ZNF334: variants seen among roughly 807,000 people sequenced by gnomAD.
The protein encoded by ZNF334 is zinc finger protein 334.
ZNF334 carries 14 observed loss-of-function variants against 12.4 expected under a neutral mutation model. The ratio of observed to expected loss-of-function variants is 1.13; its 90% CI spans 0.74 to 1.76. The LOEUF (loss-of-function observed/expected upper bound fraction) is 1.76, where lower values mean the gene tolerates loss of function less well. Ranked by LOEUF, ZNF334 falls within the 40% of genes most tolerant of loss-of-function variation. The probability of loss-of-function intolerance (pLI) is 0.00; values close to 1 mark genes in which losing one functional copy is unlikely to be tolerated. For missense variants in ZNF334, 797 were observed against 804.5 expected (o/e 0.99, Z 0.11); for synonymous variants, 273 against 269.6 (o/e 1.01, Z -0.12).
chr20:46,510,626 T>C (rs1383222437), intron 2 of ZNF334, among the ~76,000 whole-genome samples: 1 of 151,460 alleles, frequency 6.6e-6, no homozygotes, highest in Non-Finnish European at 1.5e-5. Flanking sequence ...CTCGGGAGGC[T>C]GAGGCAGGAG....
At chr20:46,464,045 A>G in the ZNF334 span, 1 of 634,660 alleles carries the variant, frequency 1.6e-6, no homozygotes, top group East Asian at 3.8e-5. Flanking sequence ...TTGTTGTCAA[A>G]GGGGTCATTG....
At chr20:46,471,905 G>C in the ZNF334 span, among the ~76,000 whole-genome samples, 1 of 152,188 alleles carries the variant, frequency 6.6e-6, no homozygotes, top group East Asian at 1.9e-4. Context: ...GCTATTCTTG[G>C]CCATTTGCAT....
chr20:46,479,102 T>C, the ZNF334 span, among the ~76,000 whole-genome samples: 2 of 152,230 alleles, frequency 1.3e-5, no homozygotes, highest in South Asian at 2.1e-4. Flanking sequence ...GTCTGGAGGT[T>C]AGAAGTCCAA....
intron 2 of ZNF334, chr20:46,505,731 C>G (rs902568599): frequency 9.8e-5 from 15 of 153,754 alleles, no homozygotes; most frequent in African/African-American, 3.4e-4. Context: ...CATGTCACAA[C>G]AGCTGTGCCA....
At position 46,503,005 on chromosome 20, in the gene ZNF334, T is replaced by C. The variant is rs2061301987; in HGVS notation, c.334A>G (p.Arg112Gly). The change falls in exon 5 of 5, where the codon AGA becomes GGA. Residue 112 changes from arginine to glycine, a missense_variant. Coordinates refer to ENST00000692313, the MANE Select transcript of ZNF334 (RefSeq NM_001353824.2). ...AGTGTTTTCCCAAATACATTCTCTCTTTCTGTAATCAGTGTTTTGTTGCTG... is the reference window on the plus strand; with the variant it reads ...AGTGTTTTCCCAAATACATTCTCTCCTTCTGTAATCAGTGTTTTGTTGCTG... ...FFSNKTLITE[R>G]ENVFGKTLNL... The C allele has an allele frequency of 6.2e-7, 1 of 1,613,994 alleles. No homozygotes were observed. Among genetic ancestry groups the C allele is most frequent in the Middle Eastern group, 1.7e-4 (1 of 6,058 alleles).
At chr20:46,466,122 T>C in the ZNF334 span, among the ~76,000 whole-genome samples, 4 of 152,002 alleles carry the variant, frequency 2.6e-5, no homozygotes, top group Non-Finnish European at 5.9e-5. Context: ...AGTAAACCAA[T>C]AGGAATATAG....
At chr20:46,506,060 A>G (rs2061418809) in intron 2 of ZNF334, 1 of 306,848 alleles carries the variant, frequency 3.3e-6, no homozygotes, top group Non-Finnish European at 5.9e-6. Context: ...TAGGAAAACA[A>G]AACAAAAAAG....
the ZNF334 span, chr20:46,481,211 C>T: frequency 1.3e-5 from 2 of 152,102 alleles, no homozygotes; most frequent in South Asian, 2.1e-4. Context: ...CCTAAAATAC[C>T]AATTTACAGG....
intron 4 of ZNF334, among the ~76,000 whole-genome samples, chr20:46,503,953 G>A (rs1247461931): frequency 6.6e-6 from 1 of 152,198 alleles, no homozygotes; most frequent in African/African-American, 2.4e-5. Flanking sequence ...CAGAAATAAA[G>A]TTTAAGGTGT....
At chr20:46,464,921 T>C in the ZNF334 span, 1 of 511,612 alleles carries the variant, frequency 2.0e-6, no homozygotes, top group Non-Finnish European at 4.0e-6. Context: ...AAGGGATGAT[T>C]TTGTAGTTAG....
the ZNF334 span, chr20:46,477,023 C>G: frequency 2.0e-5 from 3 of 152,282 alleles, no homozygotes; most frequent in South Asian, 6.2e-4. Context: ...CATGCTGGTA[C>G]AGTGGATGCG....
chr20:46,478,389 A>T, the ZNF334 span, among the ~76,000 whole-genome samples: 1 of 152,222 alleles, frequency 6.6e-6, no homozygotes, highest in Admixed American at 6.5e-5. Context: ...CTGACTGGCA[A>T]TTGGTTGAAA....
At chr20:46,503,863 G>A (rs2061337670) in intron 4 of ZNF334, among the ~76,000 whole-genome samples, 1 of 152,220 alleles carries the variant, frequency 6.6e-6, no homozygotes, top group African/African-American at 2.4e-5. Context: ...AAAAGATCAT[G>A]ACAGATCTCT....
chr20:46,502,153 G>A lies in ZNF334; in HGVS notation c.1186C>T (p.Gln396Ter). Reference sequence around the variant, plus strand: ...GGTTTTTCCCCTGTGTGAATTCTCTGATGCGCAGTAAGGGCTGACTGACAG... The same window carrying A: ...GGTTTTTCCCCTGTGTGAATTCTCTAATGCGCAGTAAGGGCTGACTGACAG... ...FFCQSALTAHQRIHTGEKPYE... is the reference protein window; with the variant it reads ...FFCQSALTAH Residue 396 changes from glutamine to a stop codon, truncating the protein, a stop_gained, in exon 5 of 5, where the codon CAG becomes TAG. Coordinates refer to ENST00000692313, the MANE Select transcript of ZNF334 (RefSeq NM_001353824.2). LOFTEE classifies it low-confidence loss of function (END_TRUNC). 1.2e-6 allele frequency: 2 copies of A among 1,614,130 alleles called. No homozygotes were observed. The highest frequency in any genetic ancestry group is 3.3e-5 in the Admixed American group (2 of 60,034).
At chr20:46,485,979 C>A in the ZNF334 span, among the ~76,000 whole-genome samples, 6 of 152,152 alleles carry the variant, frequency 3.9e-5, no homozygotes, top group African/African-American at 1.4e-4. Flanking sequence ...GTCACTTTCA[C>A]ATTTACTGCA....
chr20:46,492,198 T>C, the ZNF334 span: 3 of 152,454 alleles, frequency 2.0e-5, no homozygotes, highest in East Asian at 5.8e-4. Context: ...CACCAACAAA[T>C]CCATACTGGA....
the ZNF334 span, chr20:46,464,634 G>GA: frequency 7.1e-6 from 3 of 424,460 alleles, no homozygotes; most frequent in African/African-American, 6.1e-5. Context: ...TCTCTGTGGA[G>GA]ATACACACAG....
Position 46,502,377 on chromosome 20 carries a change from T to G in ZNF334, c.962A>C (p.Tyr321Ser). 1.2e-6 allele frequency: 2 copies of G among 1,614,114 alleles called. No individual in the cohort carries two copies. The change falls in exon 5 of 5, where the codon TAT becomes TCT. Residue 321 changes from tyrosine to serine, a missense_variant. Transcript: ENST00000692313. ...HQKIHGGEKSYECNECGKTFF... is the reference protein window; with the variant it reads ...HQKIHGGEKSSECNECGKTFF... ...GGTCTTTCCACATTCATTACACTCA[T>G]AGGATTTCTCCCCTCCATGAATTTT...
chr20:46,501,173 G>T lies in ZNF334; in HGVS notation c.*123C>A. ...ATGTTACATTGAGGGTTGACTTATG[G>T]CAGAAAAATTTTCCATATTCATTAC... On this transcript the variant is annotated 3_prime_UTR_variant, in exon 5 of 5. Coordinates refer to ENST00000692313, the MANE Select transcript of ZNF334 (RefSeq NM_001353824.2). 1 of 1,277,668 alleles carries T rather than the reference G, an allele frequency of 7.8e-7. No homozygotes were observed. The allele number at this position is 1,277,668 out of a possible 1,614,324, so 79.1% of individuals were successfully genotyped here. A position where few individuals can be genotyped will look rare whatever the true frequency, so the allele number is the denominator to read the frequency against.
Sources: gnomAD v4.1 joint callset for allele counts (sites outside exome capture counted in the v4.1 genomes callset) on GRCh38, gnomAD v4.1.1 for gene constraint, MANE v1.5 for transcripts, NCBI Gene and HGNC (gene_info 2026-07-23, HGNC 2026-07-21) for gene names.